Variants in LYRM4 observed in about 807,000 individuals in gnomAD.
The protein encoded by LYRM4 is LYR motif-containing protein 4.
Under a neutral mutation model 11.7 loss-of-function variants are expected in LYRM4, and 9 were observed. That is an observed-to-expected ratio of 0.77 (90% CI 0.46 to 1.34). The LOEUF (loss-of-function observed/expected upper bound fraction) is 1.34, where lower values mean the gene tolerates loss of function less well. Among genes scored for constraint, LYRM4 ranks in the 40% most tolerant of loss-of-function variants. LYRM4 has a pLI of 0.00. For missense variants in LYRM4, 133 were observed against 112.5 expected (o/e 1.18, Z -0.82); for synonymous variants, 42 against 40.4 (o/e 1.04, Z -0.15).
In LYRM4 at chr6:5,181,898, A is replaced by T. The variant is rs1046919432; in HGVS notation, c.207+34720T>A. Among the ~76,000 whole-genome samples the T allele has an allele frequency of 4.6e-5, 7 of 152,344 alleles. No homozygotes were observed. The South Asian group carries it at 1.2e-3, about 27-fold the overall frequency. On this transcript the variant is annotated intron_variant, in intron 2 of 2. Transcript: ENST00000330636. Reference sequence around the variant, plus strand: ...CACCTGCCTGCTCAATGTACCTAGAAGACACAATGCTAGCATCTTAGACTC... The same window carrying T: ...CACCTGCCTGCTCAATGTACCTAGATGACACAATGCTAGCATCTTAGACTC...
the LYRM4 span, among the ~76,000 whole-genome samples, chr6:5,097,181 A>G: frequency 7.9e-5 from 12 of 152,360 alleles, no homozygotes; most frequent in African/African-American, 2.6e-4. Context: ...GAGGTGACGC[A>G]GAGCGTCACA....
At chr6:5,036,463 TG>T in the LYRM4 span, among the ~76,000 whole-genome samples, 2 of 152,310 alleles carry the variant, frequency 1.3e-5, no homozygotes, top group African/African-American at 4.8e-5. Context: ...CTGCCTCCGC[TG>T]AGCTGGCATG....
chr6:5,147,196 T>G (rs980264240), intron 2 of LYRM4, among the ~76,000 whole-genome samples: 3 of 152,204 alleles, frequency 2.0e-5, no homozygotes, highest in Non-Finnish European at 4.4e-5. Context: ...CAAAAAAATT[T>G]TACAGTAATT....
chr6:5,207,005 G>A (rs1240078411), intron 2 of LYRM4, among the ~76,000 whole-genome samples: 1 of 152,104 alleles, frequency 6.6e-6, no homozygotes, highest in Non-Finnish European at 1.5e-5. Flanking sequence ...GTGCTCCTTC[G>A]CCTTTAGTAG....
At chr6:5,054,196 A>C in the LYRM4 span, 1 of 672,944 alleles carries the variant, frequency 1.5e-6, no homozygotes. Flanking sequence ...AAGGAAGGAA[A>C]GACATCACTA....
At position 5,121,870 on chromosome 6, in the gene LYRM4, A is replaced by G. The variant is rs544797877; in HGVS notation, c.208-12379T>C. Among the ~76,000 whole-genome samples the G allele has an allele frequency of 5.9e-5, 9 of 152,282 alleles. No individual in the cohort carries two copies. The East Asian group carries it at 1.7e-3, about 29-fold the overall frequency. ...CTACAATTAGCTACAAGGTGATGCAAATGCTGAGGCTGATCCTTCCTGGGA... is the reference window on the plus strand; with the variant it reads ...CTACAATTAGCTACAAGGTGATGCAGATGCTGAGGCTGATCCTTCCTGGGA... On this transcript the variant is annotated intron_variant, in intron 2 of 2. Coordinates refer to ENST00000330636, the MANE Select transcript of LYRM4 (RefSeq NM_020408.6).
chr6:5,154,974 G>A (rs1176720413), intron 2 of LYRM4, among the ~76,000 whole-genome samples: 1 of 152,206 alleles, frequency 6.6e-6, no homozygotes, highest in Non-Finnish European at 1.5e-5. Flanking sequence ...GTTCTAACAG[G>A]ATGGTGGATG....
intron 1 of LYRM4, among the ~76,000 whole-genome samples, chr6:5,250,277 G>A (rs1764369322): frequency 6.6e-6 from 1 of 152,044 alleles, no homozygotes; most frequent in Non-Finnish European, 1.5e-5. Flanking sequence ...TAGAATAAGT[G>A]CAATTTAGAA....
chr6:5,245,129 T>C (rs1276187847), intron 1 of LYRM4, among the ~76,000 whole-genome samples: 2 of 57,460 alleles, frequency 3.5e-5, no homozygotes, highest in Admixed American at 1.8e-4. Context: ...TATATATATA[T>C]ATATATATAT....
At chr6:5,084,598 G>T in the LYRM4 span, 1 of 152,048 alleles carries the variant, frequency 6.6e-6, no homozygotes, top group African/African-American at 2.4e-5. Flanking sequence ...GGCCGCTCTC[G>T]GCTGCGGGCC....
At position 5,187,046 on chromosome 6, in the gene LYRM4, G is replaced by A. The variant is rs552448805; in HGVS notation, c.207+29572C>T. On this transcript the variant is annotated intron_variant, in intron 2 of 2. Transcript: ENST00000330636. The stretch of plus-strand genomic sequence containing the variant: ...TGGGGCCCCAAAATAAATGACAAAC[G>A]AGGAACTGTATTTGTAACAAATCTA... 5.4e-5 allele frequency: 52 copies of A among 969,446 alleles called. No individual in the cohort carries two copies. In the South Asian group the frequency reaches 1.5e-3, roughly 27 times the overall value. 60.1% of individuals were successfully genotyped at this position (969,446 alleles called of 1,614,324 possible). A position where few individuals can be genotyped will look rare whatever the true frequency, so the allele number is the denominator to read the frequency against.
rs140378091 is a variant in LYRM4, at chr6:5,120,131, G to A, written c.208-10640C>T. Among the ~76,000 whole-genome samples, 16 of 152,118 alleles carry A rather than the reference G, an allele frequency of 1.1e-4. No homozygotes were observed. The East Asian group carries it at 2.5e-3, about 24-fold the overall frequency. ...AGGCTGGTCATCATCTCCTGACCTC[G>A]GGATCCATCCACCTCGGCCTCCCAA... On this transcript the variant is annotated intron_variant, in intron 2 of 2. Transcript: ENST00000330636.
chr6:5,192,736 A>C (rs548469579), intron 2 of LYRM4, among the ~76,000 whole-genome samples: 7 of 152,354 alleles, frequency 4.6e-5, no homozygotes, highest in Non-Finnish European at 8.8e-5. Flanking sequence ...TATCCAAAGC[A>C]CATTTAGGGC....
intron 2 of LYRM4, among the ~76,000 whole-genome samples, chr6:5,131,358 A>G (rs549757527): frequency 6.6e-5 from 10 of 152,340 alleles, no homozygotes; most frequent in South Asian, 2.1e-4. Flanking sequence ...GAATAATACA[A>G]TGGACAAACT....
the LYRM4 span, among the ~76,000 whole-genome samples, chr6:5,058,689 C>T: frequency 7.9e-5 from 12 of 152,254 alleles, no homozygotes; most frequent in East Asian, 2.3e-3. Context: ...TTGCCTTCTG[C>T]CTTCTTTATT....
At chr6:5,143,454 G>T (rs553610241) in intron 2 of LYRM4, among the ~76,000 whole-genome samples, 1 of 152,332 alleles carries the variant, frequency 6.6e-6, no homozygotes, top group East Asian at 1.9e-4. Flanking sequence ...CAGACATCGG[G>T]AGGTTGACAG....
At chr6:5,194,503 C>G (rs114709731) in intron 2 of LYRM4, among the ~76,000 whole-genome samples, 13 of 152,262 alleles carry the variant, frequency 8.5e-5, no homozygotes, top group African/African-American at 3.1e-4. Flanking sequence ...TTCTGAAATG[C>G]TTAGTTCCCT....
chr6:5,085,689 G>A, the LYRM4 span: 1 of 1,547,898 alleles, frequency 6.5e-7, no homozygotes, highest in Admixed American at 2.0e-5. Flanking sequence ...CCGCCCCCCA[G>A]GAGCAGGAGG....
At chr6:5,243,887 C>A (rs1764023060) in intron 1 of LYRM4, among the ~76,000 whole-genome samples, 1 of 152,202 alleles carries the variant, frequency 6.6e-6, no homozygotes, top group Non-Finnish European at 1.5e-5. Flanking sequence ...ATGACATGAA[C>A]CTTTTTTATT....
Sources: gnomAD v4.1 joint callset for allele counts (sites outside exome capture counted in the v4.1 genomes callset) on GRCh38, gnomAD v4.1.1 for gene constraint, MANE v1.5 for transcripts, NCBI Gene and HGNC (gene_info 2026-07-23, HGNC 2026-07-21) for gene names.